Variants in SOX5 observed in about 807,000 individuals in gnomAD.
The protein encoded by SOX5 is SRY-box transcription factor 5, also known as transcription factor SOX-5.
Under a neutral mutation model 92.0 loss-of-function variants are expected in SOX5, and 9 were observed. That is an observed-to-expected ratio of 0.10 (90% CI 0.06 to 0.17). SOX5 has a LOEUF of 0.17. SOX5 is among the 10% of genes least tolerant of loss of function. SOX5 has a pLI of 1.00. For synonymous variants in SOX5, 344 were observed against 336.3 expected (o/e 1.02, Z -0.25); for missense variants, 642 against 944.5 (o/e 0.68, Z 4.20).
In SOX5 at chr12:23,910,654, G is replaced by A. The variant is rs763327143; in HGVS notation, c.39-14630C>T. Among the ~76,000 whole-genome samples the A allele has an allele frequency of 1.6e-4, 25 of 152,022 alleles. 1 individual carries two copies. The highest frequency in any genetic ancestry group is 6.6e-5 in the Admixed American group (1 of 15,248). On this transcript the variant is annotated intron_variant, in intron 1 of 14. Transcript: ENST00000451604. ...TCTGTTAAGTTAGTTCTATTTCAGG[G>A]TGCCTTTTGAGGTTGGGACAAATAT...
At chr12:23,621,609 G>A (rs73091337) in intron 8 of SOX5, among the ~76,000 whole-genome samples, 12,775 of 152,040 alleles carry the variant, frequency 0.084, 675 homozygotes, top group Non-Finnish European at 0.11. Context: ...AGGTGCAAAG[G>A]GGGGAAGAAA....
chr12:23,784,786 A>G lies in SOX5; in HGVS notation c.482-29062T>C, dbSNP rs149640864. ...ACTCTTTCTTCATGGCATCAGAAAA[A>G]AAATCATTGGCCACACGCAGTGGCT... is the stretch of plus-strand genomic sequence containing the variant. On this transcript the variant is annotated intron_variant, in intron 3 of 14. Coordinates refer to ENST00000451604, the MANE Select transcript of SOX5 (RefSeq NM_006940.6). Among the ~76,000 whole-genome samples the G allele has an allele frequency of 5.9e-3, 902 of 152,288 alleles. 13 individuals carry two copies. Among genetic ancestry groups the G allele is most frequent in the African/African-American group, 0.021 (853 of 41,552 alleles).
intron 2 of SOX5, among the ~76,000 whole-genome samples, chr12:23,876,825 T>C (rs1045841863): frequency 6.6e-6 from 1 of 152,132 alleles, no homozygotes; most frequent in Non-Finnish European, 1.5e-5. Context: ...TAAAAAAGGA[T>C]GAGTTCACGT....
At chr12:23,917,249 AG>A (rs1384738317) in intron 1 of SOX5, among the ~76,000 whole-genome samples, 4 of 152,162 alleles carry the variant, frequency 2.6e-5, no homozygotes, top group African/African-American at 9.7e-5. Context: ...AGTATTAAAA[AG>A]AAACTTCTGG....
At chr12:24,192,460 C>G (rs1399604264) in intron 4 of SOX5, among the ~76,000 whole-genome samples, 1 of 152,116 alleles carries the variant, frequency 6.6e-6, no homozygotes, top group Non-Finnish European at 1.5e-5. Context: ...AGTAATTCAT[C>G]AAATGCAGTT....
chr12:23,539,744 T>A (rs917325825), intron 13 of SOX5, among the ~76,000 whole-genome samples: 6 of 152,192 alleles, frequency 3.9e-5, no homozygotes, highest in Non-Finnish European at 7.3e-5. Flanking sequence ...CTTGATAGTA[T>A]AATTTCTTTG....
chr12:24,477,197 G>A (rs1037664252), intron 1 of SOX5, among the ~76,000 whole-genome samples: 6 of 150,166 alleles, frequency 4.0e-5, no homozygotes, highest in African/African-American at 9.8e-5. Context: ...TCAGTGGCAC[G>A]ATCTCAGCTC....
intron 4 of SOX5, among the ~76,000 whole-genome samples, chr12:24,151,585 T>C (rs1042446611): frequency 6.6e-6 from 1 of 152,138 alleles, no homozygotes; most frequent in Non-Finnish European, 1.5e-5. Context: ...TTTGTTTTGT[T>C]TTGTTTTTTA....
At chr12:24,466,558 A>G (rs1269007920) in intron 1 of SOX5, among the ~76,000 whole-genome samples, 2 of 152,216 alleles carry the variant, frequency 1.3e-5, no homozygotes, top group East Asian at 3.8e-4. Flanking sequence ...GGGTCCAGAC[A>G]GCCTCGAGGT....
chr12:24,530,309 G>A (rs1185823954), intron 1 of SOX5, among the ~76,000 whole-genome samples: 2 of 152,218 alleles, frequency 1.3e-5, no homozygotes, highest in African/African-American at 4.8e-5. Context: ...AGTGACCTGA[G>A]CATAGTGACC....
chr12:24,091,974 G>A (rs1018462488), intron 4 of SOX5, among the ~76,000 whole-genome samples: 7 of 152,088 alleles, frequency 4.6e-5, no homozygotes, highest in Non-Finnish European at 1.0e-4. Context: ...TCCAGCCTCT[G>A]CCTAGATGCT....
chr12:24,511,957 C>A (rs200335856), intron 1 of SOX5, among the ~76,000 whole-genome samples: 447 of 131,034 alleles, frequency 3.4e-3, no homozygotes, highest in Middle Eastern at 8.6e-3. Flanking sequence ...GACTCCATCT[C>A]AAAAAAAAAA....
intron 1 of SOX5, among the ~76,000 whole-genome samples, chr12:24,413,298 T>C (rs1392101682): frequency 3.9e-5 from 6 of 152,248 alleles, no homozygotes; most frequent in Non-Finnish European, 7.3e-5. Flanking sequence ...AATAATTATA[T>C]AATATCCCTC....
intron 4 of SOX5, among the ~76,000 whole-genome samples, chr12:24,045,958 A>T (rs1030793701): frequency 2.6e-5 from 4 of 152,172 alleles, no homozygotes; most frequent in African/African-American, 7.2e-5. Context: ...TCTGTATTCA[A>T]CGGAGGCTTG....
At chr12:24,114,448 G>T (rs747436609) in intron 4 of SOX5, among the ~76,000 whole-genome samples, 1 of 151,026 alleles carries the variant, frequency 6.6e-6, no homozygotes. Context: ...GTGATGGTGT[G>T]TGCCTGTAAT....
At chr12:24,303,407 C>T (rs975199199) in intron 2 of SOX5, among the ~76,000 whole-genome samples, 1 of 152,124 alleles carries the variant, frequency 6.6e-6, no homozygotes, top group African/African-American at 2.4e-5. Flanking sequence ...TGAAAAATGT[C>T]AAGTGAAACA....
chr12:23,939,848 T>C (rs548863938), intron 1 of SOX5, among the ~76,000 whole-genome samples: 98 of 151,250 alleles, frequency 6.5e-4, no homozygotes, highest in African/African-American at 2.2e-3. Flanking sequence ...TATAGTATAA[T>C]GCATATCAAA....
chr12:24,056,817 TA>T (rs1958157780), intron 4 of SOX5, among the ~76,000 whole-genome samples: 1 of 146,684 alleles, frequency 6.8e-6, no homozygotes, highest in Non-Finnish European at 1.5e-5. Context: ...CTACTAAAAA[TA>T]CAAAAAATTA....
At chr12:24,386,534 A>T (rs1958436232) in intron 1 of SOX5, among the ~76,000 whole-genome samples, 1 of 152,224 alleles carries the variant, frequency 6.6e-6, no homozygotes, top group South Asian at 2.1e-4. Context: ...TCTATATGAA[A>T]TAAACAACAG....
Sources: allele counts gnomAD v4.1 joint callset (sites outside exome capture counted in the v4.1 genomes callset), GRCh38; gene constraint gnomAD v4.1.1; transcripts MANE v1.5; gene names NCBI Gene and HGNC (gene_info 2026-07-23, HGNC 2026-07-21).